Variants in AKAP12 observed in about 807,000 individuals in gnomAD.
AKAP12 encodes the protein A-kinase anchoring protein 12.
In AKAP12, 32 loss-of-function variants were observed where a neutral mutation model predicts 79.9. The observed-to-expected ratio is 0.40, with a 90% CI of 0.30 to 0.54. The LOEUF (loss-of-function observed/expected upper bound fraction) is 0.54. AKAP12 is among the 20% of genes least tolerant of loss of function. The pLI is 0.48. For missense variants in AKAP12, 2,074 were observed against 2,177.0 expected, an observed-to-expected ratio of 0.95 and a Z score of 0.94; for synonymous variants, 808 against 857.0, an observed-to-expected ratio of 0.94 and a Z score of 1.00.
In AKAP12 at chr6:151,351,738, C is replaced by A. The variant is rs555634676; in HGVS notation, c.3347C>A (p.Thr1116Asn). ...FTQGKVVGQTTPESFEKAPQV... is the reference protein window; with the variant it reads ...FTQGKVVGQTNPESFEKAPQV... ...CAAGGGAAGGTGGTGGGGCAGACCA[C>A]CCCAGAAAGCTTTGAAAAAGCTCCT... Residue 1116 changes from threonine to asparagine, a missense_variant, in exon 4 of 5, where the codon ACC (threonine) becomes AAC (asparagine). Physicochemically the swap from Thr to Asn is moderately conservative, Grantham distance 65. Coordinates refer to ENST00000402676, the MANE Select transcript of AKAP12 (RefSeq NM_005100.4). The surrounding 1 kb of genome is among the most constrained non-coding windows in gnomAD (Gnocchi z 4.4). 1.2e-6 allele frequency: 2 copies of A among 1,614,144 alleles called. No homozygotes were observed. Among genetic ancestry groups the A allele is most frequent in the East Asian group, 2.2e-5 (1 of 44,878 alleles).
intron 2 of AKAP12, among the ~76,000 whole-genome samples, chr6:151,300,574 T>G (rs1407105205): frequency 6.6e-6 from 1 of 152,168 alleles, no homozygotes; most frequent in African/African-American, 2.4e-5. Context: ...CCTAGCACGT[T>G]GTGGACTCCT....
At chr6:151,324,959 G>C in intron 3 of AKAP12, 1 of 985,436 alleles carries the variant, frequency 1.0e-6, no homozygotes, top group Non-Finnish European at 1.2e-6. Context: ...CTAAAAATTG[G>C]AACATGGCAT....
chr6:151,353,714 G>C lies in AKAP12; in HGVS notation c.5323G>C (p.Ala1775Pro). The change falls in exon 4 of 5, where the codon GCA becomes CCA. Residue 1775 changes from alanine (A) to proline (P), a missense_variant. Coordinates refer to ENST00000402676, the MANE Select transcript of AKAP12 (RefSeq NM_005100.4). The part of the protein sequence containing the change: ...EELQKQERES[A>P]KSELTES Reference sequence around the variant, plus strand: ...GTTACAGAAACAAGAGAGAGAATCTGCAAAGTCAGAACTTACAGAATCTTA... The same window carrying C: ...GTTACAGAAACAAGAGAGAGAATCTCCAAAGTCAGAACTTACAGAATCTTA... The C allele has an allele frequency of 6.3e-7, 1 of 1,599,124 alleles. No individual in the cohort carries two copies. The highest frequency in any genetic ancestry group is 2.2e-5 in the East Asian group (1 of 44,724).
At chr6:151,314,622 C>G (rs1355998601) in intron 3 of AKAP12, among the ~76,000 whole-genome samples, 1 of 152,152 alleles carries the variant, frequency 6.6e-6, no homozygotes, top group Non-Finnish European at 1.5e-5. Context: ...TTTCAGTCAG[C>G]CTTGGAGATG....
At position 151,332,067 on chromosome 6, in the gene AKAP12, C is replaced by T. The variant is rs188817736; in HGVS notation, c.320-16644C>T. Among the ~76,000 whole-genome samples, 737 of 128,098 alleles carry T rather than the reference C, an allele frequency of 5.8e-3. 7 individuals are homozygous for T. The Middle Eastern group carries it at 0.12, about 21-fold the overall frequency. 84.0% of individuals were successfully genotyped at this position (128,098 alleles called of 152,430 possible). A position where few individuals can be genotyped will look rare whatever the true frequency, so the allele number is the denominator to read the frequency against. The stretch of plus-strand genomic sequence containing the variant: ...TTTTTTTTTTTTTGAGACAGTCTCG[C>T]TCTGTTGCCAGGCTGCTGGAGTGCA... On this transcript the variant is annotated intron_variant, in intron 3 of 4. Transcript: ENST00000402676.
chr6:151,350,293 G>A lies in AKAP12; in HGVS notation c.1902G>A (p.Glu634=), dbSNP rs1261311229. The A allele has an allele frequency of 6.2e-7, 1 of 1,613,978 alleles. No individual in the cohort carries two copies. The highest frequency in any genetic ancestry group is 8.5e-7 in the Non-Finnish European group (1 of 1,180,024). Residue 634 remains glutamate, a synonymous_variant, in exon 4 of 5, where the codon GAG becomes GAA. Coordinates refer to ENST00000402676, the MANE Select transcript of AKAP12 (RefSeq NM_005100.4). This position sits in a 1 kb window ranked among gnomAD's most constrained non-coding sequence, Gnocchi z 4.8. ...RRPSESDKED[E]LDKVKSATLS... ...CTTCGGAAAGTGATAAAGAAGATGAGCTGGACAAGGTCAAGAGCGCTACCT... is the reference window on the plus strand; with the variant it reads ...CTTCGGAAAGTGATAAAGAAGATGAACTGGACAAGGTCAAGAGCGCTACCT...
chr6:151,355,141 A>G (rs1379580699), intron 4 of AKAP12, among the ~76,000 whole-genome samples: 3 of 149,518 alleles, frequency 2.0e-5, no homozygotes, highest in Non-Finnish European at 4.4e-5. Context: ...GATTACAGAT[A>G]ACACACCACC....
chr6:151,337,387 C>T (rs1013117065), intron 3 of AKAP12, among the ~76,000 whole-genome samples: 2 of 151,438 alleles, frequency 1.3e-5, no homozygotes, highest in East Asian at 1.9e-4. Context: ...TCGCGGCGGG[C>T]GCCTGTAATC....
chr6:151,291,838 C>G (rs563729159), intron 2 of AKAP12, among the ~76,000 whole-genome samples: 9 of 152,240 alleles, frequency 5.9e-5, no homozygotes, highest in African/African-American at 2.2e-4. Flanking sequence ...CTCGAAGTCA[C>G]TTGGGATGGC....
At chr6:151,247,113 T>C (rs899974918) in intron 2 of AKAP12, among the ~76,000 whole-genome samples, 13 of 151,826 alleles carry the variant, frequency 8.6e-5, no homozygotes, top group Non-Finnish European at 4.4e-5. Flanking sequence ...TTAAAGATTT[T>C]TTTTTCTAGC....
Position 151,351,077 on chromosome 6 carries a change from G to C in AKAP12, c.2686G>C (p.Val896Leu). The change falls in exon 4 of 5, where the codon GTC becomes CTC. Residue 896 changes from valine to leucine, a missense_variant. By Grantham distance (32) the Val-to-Leu change is conservative (BLOSUM62 1). Transcript: ENST00000402676. The surrounding 1 kb of genome is among the most constrained non-coding windows in gnomAD (Gnocchi z 4.4). Reference sequence around the variant, plus strand: ...TCAGGTTCATATGATGGCAGCAGCTGTCGCTGACGGGACGAGGGCAGCTAC... The same window carrying C: ...TCAGGTTCATATGATGGCAGCAGCTCTCGCTGACGGGACGAGGGCAGCTAC... ...ESQVHMMAAA[V>L]ADGTRAATII... 6.2e-7 allele frequency: 1 copy of C among 1,614,212 alleles called. No individual in the cohort carries two copies. The highest frequency in any genetic ancestry group is 8.5e-7 in the Non-Finnish European group (1 of 1,180,046).
intron 2 of AKAP12, among the ~76,000 whole-genome samples, chr6:151,301,795 C>A (rs574390916): frequency 1.1e-4 from 16 of 152,118 alleles, no homozygotes; most frequent in African/African-American, 3.9e-4. Flanking sequence ...GGTTCAGTAA[C>A]GTCACTGTCA....
chr6:151,357,882 T>C lies in AKAP12; in HGVS notation c.*2168T>C, dbSNP rs1222729801. The C allele has an allele frequency of 6.6e-6, 1 of 152,100 alleles. No homozygotes were observed. Among genetic ancestry groups the C allele is most frequent in the Non-Finnish European group, 1.5e-5 (1 of 68,016 alleles). 9.4% of individuals were successfully genotyped at this position (152,100 alleles called of 1,614,324 possible). ...TGCTGTTTTGAACAGATTAAAGATT[T>C]GTGTAGTTTGTGGGAAATTGACGTT... On this transcript the variant is annotated 3_prime_UTR_variant, in exon 5 of 5. Coordinates refer to ENST00000402676, the MANE Select transcript of AKAP12 (RefSeq NM_005100.4).
At chr6:151,296,795 T>C (rs1776737411) in intron 2 of AKAP12, among the ~76,000 whole-genome samples, 1 of 152,140 alleles carries the variant, frequency 6.6e-6, no homozygotes, top group Admixed American at 6.5e-5. Context: ...CAGGCTGAAC[T>C]TCTTGGAAAG....
Position 151,356,075 on chromosome 6 carries a change from G to A in AKAP12, c.*361G>A, listed in dbSNP as rs147553052. The A allele has an allele frequency of 5.0e-4, 76 of 152,720 alleles. No homozygotes were observed. In the East Asian group the frequency reaches 8.1e-3, roughly 16 times the overall value. 9.5% of individuals were successfully genotyped at this position (152,720 alleles called of 1,614,324 possible). On this transcript the variant is annotated 3_prime_UTR_variant, in exon 5 of 5. Coordinates refer to ENST00000402676, the MANE Select transcript of AKAP12 (RefSeq NM_005100.4). ...TTACATATTTATATGTATGTTTTAA[G>A]TAGTCCTCCTGTATCTATTGTATAT...
chr6:151,261,815 T>TGGCGTGAGCTCGGCTCACTGCAAC (rs1562711499), intron 2 of AKAP12, among the ~76,000 whole-genome samples: 3 of 148,922 alleles, frequency 2.0e-5, no homozygotes, highest in African/African-American at 7.4e-5. Context: ...TGGAGTGCAA[T>TGGCGTGAGCTCGGCTCACTGCAAC]GGCGTGAGCT....
At chr6:151,248,355 A>G (rs563310769) in intron 2 of AKAP12, among the ~76,000 whole-genome samples, 1 of 150,562 alleles carries the variant, frequency 6.6e-6, no homozygotes, top group East Asian at 2.0e-4. Context: ...CTTTGGCCTC[A>G]GCCTCCTGAG....
chr6:151,350,836 G>A lies in AKAP12; in HGVS notation c.2445G>A (p.Arg815=), dbSNP rs1316848133. 5 of 1,614,056 alleles carry A rather than the reference G, an allele frequency of 3.1e-6. No individual in the cohort carries two copies. Among genetic ancestry groups the A allele is most frequent in the Non-Finnish European group, 3.4e-6 (4 of 1,180,004 alleles). ...VSIKKFIPGR[R]KKRPDGKQEQ... ...TCAAGAAGTTTATTCCTGGACGAAG[G>A]AAGAAAAGGCCAGATGGGAAACAAG... The change falls in exon 4 of 5, where the codon AGG becomes AGA. Residue 815 remains arginine (R), a synonymous_variant. Transcript: ENST00000402676. The surrounding 1 kb of genome is among the most constrained non-coding windows in gnomAD (Gnocchi z 4.8).
intron 2 of AKAP12, among the ~76,000 whole-genome samples, chr6:151,267,376 T>A (rs1321336474): frequency 6.6e-6 from 1 of 152,242 alleles, no homozygotes; most frequent in Non-Finnish European, 1.5e-5. Context: ...TTGTACTTAA[T>A]TGACATAGTC....
Sources: gnomAD v4.1 joint callset for allele counts (sites outside exome capture counted in the v4.1 genomes callset) on GRCh38, gnomAD v4.1.1 for gene constraint, Gnocchi (gnomAD v3.1) non-coding constraint, MANE v1.5 for transcripts, NCBI Gene and HGNC (gene_info 2026-07-23, HGNC 2026-07-21) for gene names.